CCNY: variants seen among roughly 807,000 people sequenced by gnomAD.
CCNY encodes cyclin Y, also known as cyclin-Y.
Under a neutral mutation model 42.8 loss-of-function variants are expected in CCNY, and 19 were observed. That is an observed-to-expected ratio of 0.44 (90% confidence interval 0.31 to 0.65). The LOEUF is 0.65. Ranked by LOEUF, CCNY falls within the 30% of genes least tolerant of loss-of-function variation. CCNY has a pLI of 0.07. For missense variants in CCNY, 370 were observed against 437.3 expected (o/e 0.85, Z 1.37); for synonymous variants, 165 against 162.7 (o/e 1.01, Z -0.11).
At chr10:35,255,509 G>T (rs899448925) in intron 3 of CCNY, among the ~76,000 whole-genome samples, 4 of 150,758 alleles carry the variant, frequency 2.7e-5, no homozygotes, top group African/African-American at 7.3e-5. Flanking sequence ...TATTGGTCAG[G>T]CTGGTCTTGA....
intron 1 of CCNY, among the ~76,000 whole-genome samples, chr10:35,394,388 C>T (rs1255990613): frequency 1.3e-5 from 2 of 152,198 alleles, no homozygotes; most frequent in African/African-American, 4.8e-5. Context: ...AAAAGAATTT[C>T]GCGCTGTGAA....
chr10:35,416,659 A>T (rs1050467649), intron 1 of CCNY, among the ~76,000 whole-genome samples: 1 of 152,160 alleles, frequency 6.6e-6, no homozygotes, highest in African/African-American at 2.4e-5. Context: ...ATTATATGAA[A>T]TGATGTGGCA....
chr10:35,542,394 C>T (rs1182064038), intron 7 of CCNY, among the ~76,000 whole-genome samples: 1 of 151,978 alleles, frequency 6.6e-6, no homozygotes, highest in Non-Finnish European at 1.5e-5. Flanking sequence ...TAACCTTGAT[C>T]CCTGGCTGAG....
chr10:35,291,838 G>A lies in CCNY; in HGVS notation c.-9+41212G>A, dbSNP rs536768154. On this transcript the variant is annotated intron_variant, in intron 3 of 11. Coordinates refer to the CCNY transcript ENST00000374706. ...GCATGAGCCACCGTGCCCAGCTTGT[G>A]TATGACTTTTTGTGTGGACTAAGAT... Among the ~76,000 whole-genome samples, 12 of 152,116 alleles carry A rather than the reference G, an allele frequency of 7.9e-5. No homozygotes were observed. In the South Asian group the frequency reaches 2.3e-3, roughly 29 times the overall value.
chr10:35,560,206 CT>C (rs1841439422), intron 8 of CCNY, among the ~76,000 whole-genome samples: 1 of 152,056 alleles, frequency 6.6e-6, no homozygotes, highest in Admixed American at 6.6e-5. Flanking sequence ...GACTTTGGGG[CT>C]GTTAGGATGA....
At chr10:35,482,538 T>C (rs1026691746) in intron 1 of CCNY, among the ~76,000 whole-genome samples, 1 of 152,228 alleles carries the variant, frequency 6.6e-6, no homozygotes, top group Non-Finnish European at 1.5e-5. Context: ...GAGCTTGTTC[T>C]AAGAGTTCTA....
At chr10:35,473,148 A>T (rs1045820598) in intron 1 of CCNY, among the ~76,000 whole-genome samples, 8 of 152,182 alleles carry the variant, frequency 5.3e-5, no homozygotes, top group African/African-American at 1.9e-4. Context: ...CTGCACTCTG[A>T]TGTGTCATGT....
At chr10:35,430,315 C>T (rs1323624730) in intron 1 of CCNY, among the ~76,000 whole-genome samples, 9 of 115,616 alleles carry the variant, frequency 7.8e-5, no homozygotes, top group Admixed American at 2.5e-4. Context: ...CCAGCCTGGG[C>T]GACAGAGCGA....
chr10:35,535,021 G>A (rs1840855086), intron 7 of CCNY, among the ~76,000 whole-genome samples: 1 of 148,226 alleles, frequency 6.7e-6, no homozygotes, highest in Non-Finnish European at 1.5e-5. Context: ...GTGTGTGTGT[G>A]TGTGTGTGTG....
At chr10:35,486,053 T>C (rs1839782440) in intron 2 of CCNY, among the ~76,000 whole-genome samples, 1 of 152,214 alleles carries the variant, frequency 6.6e-6, no homozygotes, top group African/African-American at 2.4e-5. Flanking sequence ...CTGCTGGACA[T>C]CTTTACAATG....
At chr10:35,454,398 G>C (rs1228500360) in intron 1 of CCNY, among the ~76,000 whole-genome samples, 1 of 152,202 alleles carries the variant, frequency 6.6e-6, no homozygotes, top group African/African-American at 2.4e-5. Context: ...TGTTCACCTG[G>C]AATGGACTGT....
chr10:35,415,291 G>A (rs192621869), intron 1 of CCNY, among the ~76,000 whole-genome samples: 1 of 152,246 alleles, frequency 6.6e-6, no homozygotes, highest in East Asian at 1.9e-4. Context: ...GAGGGCAGGA[G>A]GGCTGTGTTG....
In CCNY at chr10:35,288,423, T is replaced by C. The variant is rs145113438; in HGVS notation, c.-9+37797T>C. ...TATTCTAGAAATGAATAATTTGTCATATATATGTATATATGTATTTTTTTC... is the reference window on the plus strand; with the variant it reads ...TATTCTAGAAATGAATAATTTGTCACATATATGTATATATGTATTTTTTTC... On this transcript the variant is annotated intron_variant, in intron 3 of 11. Coordinates refer to the CCNY transcript ENST00000374706. Among the ~76,000 whole-genome samples the C allele has an allele frequency of 3.0e-3, 457 of 152,262 alleles. 14 individuals are homozygous for C. Among genetic ancestry groups the C allele is most frequent in the Admixed American group, 0.029 (444 of 15,278 alleles).
chr10:35,505,681 G>A (rs1002063226), intron 3 of CCNY, among the ~76,000 whole-genome samples: 9 of 152,258 alleles, frequency 5.9e-5, no homozygotes, highest in African/African-American at 2.2e-4. Context: ...GTGATTTGCA[G>A]CCTAATTATA....
At position 35,571,397 on chromosome 10, in the gene CCNY, C is replaced by G. The variant is rs933913122; in HGVS notation, c.*2227C>G. 1.3e-5 allele frequency: 2 copies of G among 152,278 alleles called. No homozygotes were observed. Among genetic ancestry groups the G allele is most frequent in the Non-Finnish European group, 2.9e-5 (2 of 68,024 alleles). 9.4% of individuals were successfully genotyped at this position (152,278 alleles called of 1,614,324 possible). On this transcript the variant is annotated 3_prime_UTR_variant, in exon 10 of 10. Transcript: ENST00000374704. ...AAAATTTAAAGTGGATTCCATAAAA[C>G]CAGACTCAAGTCTTGTTTAGACTAC... is the stretch of plus-strand genomic sequence containing the variant.
intron 7 of CCNY, among the ~76,000 whole-genome samples, chr10:35,544,796 C>G (rs2135440026): frequency 6.6e-6 from 1 of 152,212 alleles, no homozygotes; most frequent in East Asian, 1.9e-4. Context: ...TCTTCAAATG[C>G]CAACTGAGGT....
intron 1 of CCNY, among the ~76,000 whole-genome samples, chr10:35,403,320 C>G (rs1441665128): frequency 6.6e-6 from 1 of 152,048 alleles, no homozygotes; most frequent in South Asian, 2.1e-4. Flanking sequence ...GCTTGTGAGG[C>G]TGGAAGGAGA....
chr10:35,552,720 A>C (rs907718931), intron 7 of CCNY, among the ~76,000 whole-genome samples: 2 of 152,230 alleles, frequency 1.3e-5, no homozygotes, highest in African/African-American at 4.8e-5. Context: ...AACAGTCATT[A>C]ACATGTATGG....
chr10:35,349,536 A>G (rs1341906834), intron 1 of CCNY, among the ~76,000 whole-genome samples: 1 of 152,162 alleles, frequency 6.6e-6, no homozygotes, highest in African/African-American at 2.4e-5. Flanking sequence ...CCCTAAGCTC[A>G]TTTTCATAAA....
Sources: allele counts gnomAD v4.1 joint callset (sites outside exome capture counted in the v4.1 genomes callset), GRCh38; gene constraint gnomAD v4.1.1; transcripts MANE v1.5; gene names NCBI Gene and HGNC (gene_info 2026-07-23, HGNC 2026-07-21).